The following CCDC30 variants were observed in gnomAD, a reference collection of about 807,000 sequenced individuals.
The protein encoded by CCDC30 is coiled-coil domain containing 30.
Under a neutral mutation model 100.2 loss-of-function variants are expected in CCDC30, and 70 were observed. The ratio of observed to expected loss-of-function variants is 0.70; its 90% confidence interval spans 0.58 to 0.85. The LOEUF (loss-of-function observed/expected upper bound fraction) is 0.85. Among genes scored for constraint, CCDC30 ranks in the 40% least tolerant of loss-of-function variants. The pLI is 0.00. For synonymous variants in CCDC30, 233 were observed against 269.5 expected (o/e 0.86, Z 1.33); for missense variants, 652 against 771.2 (o/e 0.85, Z 1.83).
chr1:42,617,627 T>C (rs1463658557), intron 11 of CCDC30, among the ~76,000 whole-genome samples: 1 of 152,172 alleles, frequency 6.6e-6, no homozygotes, highest in African/African-American at 2.4e-5. Flanking sequence ...GTGGGGAGTG[T>C]TGATTGATCA....
intron 12 of CCDC30, among the ~76,000 whole-genome samples, chr1:42,640,002 TTGG>T (rs1647274523): frequency 6.6e-6 from 1 of 151,936 alleles, no homozygotes; most frequent in African/African-American, 2.4e-5. Context: ...AGAATGTTAA[TTGG>T]TGGATTCATT....
At chr1:42,623,968 T>C (rs553301421) in intron 11 of CCDC30, among the ~76,000 whole-genome samples, 1 of 152,320 alleles carries the variant, frequency 6.6e-6, no homozygotes, top group Admixed American at 6.5e-5. Context: ...AGCTAATTCC[T>C]AGGTATTTAA....
intron 2 of CCDC30, 68 bp from the exon 3 acceptor site, chr1:42,482,595 G>T: frequency 9.6e-7 from 1 of 1,041,996 alleles, no homozygotes; most frequent in South Asian, 5.0e-5. Context: ...AACATTAATA[G>T]AAAATAGCAA....
chr1:42,459,924 T>C (rs952234267), upstream of CCDC30: 4 of 1,601,698 alleles, frequency 2.5e-6, no homozygotes, highest in African/African-American at 1.3e-5. Context: ...TGACAGAAAC[T>C]GAAGTAAAAA....
At chr1:42,536,776 G>A in intron 6 of CCDC30, 175 bp downstream of exon 7, 1 of 540,448 alleles carries the variant, frequency 1.9e-6, no homozygotes. Context: ...TATGGAGGAG[G>A]GGAAGTCCAA....
At chr1:42,500,366 T>C (rs2992346) in intron 6 of CCDC30, 1,489,074 of 1,491,854 alleles carry the variant, frequency 1, 743,173 homozygotes, top group East Asian at 1. Flanking sequence ...CGGAGTGAGG[T>C]GCGTGAGAAC....
At chr1:42,585,949 TTGCTA>T (rs1646060204) in intron 9 of CCDC30, among the ~76,000 whole-genome samples, 1 of 152,236 alleles carries the variant, frequency 6.6e-6, no homozygotes, top group Admixed American at 6.5e-5. Context: ...TTAGACTTTT[TTGCTA>T]TTATAAAACT....
intron 6 of CCDC30, among the ~76,000 whole-genome samples, chr1:42,538,803 A>G (rs1415038442): frequency 6.6e-6 from 1 of 152,222 alleles, no homozygotes; most frequent in African/African-American, 2.4e-5. Context: ...TTGTTCTATA[A>G]ATGGTACTTC....
intron 1 of CCDC30, chr1:42,473,209 G>T: frequency 8.1e-7 from 1 of 1,231,362 alleles, no homozygotes; most frequent in Non-Finnish European, 1.0e-6. Flanking sequence ...ACTCTGTTTG[G>T]TGCTTATTCC....
intron 1 of CCDC30, among the ~76,000 whole-genome samples, chr1:42,465,934 C>A (rs1268361313): frequency 6.6e-6 from 1 of 152,138 alleles, no homozygotes; most frequent in Non-Finnish European, 1.5e-5. Context: ...TAGCTGTGTA[C>A]ATTTTTACAT....
At chr1:42,640,049 G>T (rs1388881742) in intron 12 of CCDC30, among the ~76,000 whole-genome samples, 2 of 151,952 alleles carry the variant, frequency 1.3e-5, no homozygotes, top group Non-Finnish European at 2.9e-5. Flanking sequence ...GAATTAGAAC[G>T]ACTTAGCCTA....
chr1:42,521,353 A>C (rs1644643755), intron 6 of CCDC30: 1 of 154,660 alleles, frequency 6.5e-6, no homozygotes, highest in Admixed American at 6.5e-5. Flanking sequence ...TAGTTTCTAC[A>C]AATTGTGAAT....
chr1:42,460,391 C>T, upstream of CCDC30: 1 of 986,180 alleles, frequency 1.0e-6, no homozygotes, highest in Non-Finnish European at 1.2e-6. Context: ...AAGTGTGTGT[C>T]CAAAAGCTGA....
intron 6 of CCDC30, among the ~76,000 whole-genome samples, chr1:42,529,885 A>G (rs1644780907): frequency 6.6e-6 from 1 of 152,246 alleles, no homozygotes; most frequent in African/African-American, 2.4e-5. Context: ...AGCTACCTGC[A>G]GTCAACTGCA....
intron 6 of CCDC30, 38 bp downstream of exon 8, chr1:42,539,348 A>G (rs1317349899): frequency 1.3e-6 from 2 of 1,540,814 alleles, no homozygotes; most frequent in East Asian, 4.6e-5. Context: ...TCAATATTTA[A>G]TGTAGCTTTT....
intron 10 of CCDC30, among the ~76,000 whole-genome samples, chr1:42,597,180 G>C (rs1646306412): frequency 6.6e-6 from 1 of 152,096 alleles, no homozygotes; most frequent in Admixed American, 6.5e-5. Context: ...GGGTATGATA[G>C]ATACATATAG....
chr1:42,637,431 A>T (rs377612446), intron 12 of CCDC30, 53 bp downstream of exon 16: 12 of 1,536,910 alleles, frequency 7.8e-6, no homozygotes, highest in Admixed American at 2.0e-5. Context: ...ATGGTCAGCC[A>T]TTTGGAGAAA....
chr1:42,485,928 A>G (rs1248342920), intron 3 of CCDC30, among the ~76,000 whole-genome samples: 2 of 152,236 alleles, frequency 1.3e-5, no homozygotes, highest in Non-Finnish European at 2.9e-5. Context: ...AAGCAAAACC[A>G]CAATGAGCGT....
intron 6 of CCDC30, among the ~76,000 whole-genome samples, chr1:42,559,609 A>G (rs1024835717): frequency 2.6e-5 from 4 of 152,220 alleles, no homozygotes; most frequent in African/African-American, 9.6e-5. Context: ...CTAAATATAT[A>G]TTCAACCAAT....
Sources: allele counts gnomAD v4.1 joint callset (sites outside exome capture counted in the v4.1 genomes callset), GRCh38; gene constraint gnomAD v4.1.1; transcripts MANE v1.5; gene names NCBI Gene and HGNC (gene_info 2026-07-23, HGNC 2026-07-21).